STX1B: variants seen among roughly 807,000 people sequenced by gnomAD.
The protein encoded by STX1B is syntaxin-1B.
Under a neutral mutation model 39.4 loss-of-function variants are expected in STX1B, and 7 were observed. That is an observed-to-expected ratio of 0.18 (90% confidence interval 0.10 to 0.33). STX1B has a LOEUF of 0.33. STX1B is among the 10% of genes least tolerant of loss of function. The pLI is 1.00. For synonymous variants in STX1B, 136 were observed against 144.1 expected, an observed-to-expected ratio of 0.94 and a Z score of 0.40; for missense variants, 198 against 383.2, an observed-to-expected ratio of 0.52 and a Z score of 4.04.
chr16:31,006,162 C>T (rs531572377), intron 1 of STX1B, among the ~76,000 whole-genome samples: 2 of 152,112 alleles, frequency 1.3e-5, no homozygotes, highest in African/African-American at 4.8e-5. Context: ...CTGACACACA[C>T]GGGCTTCCCA....
At chr16:31,009,693 C>T (rs776266387) in intron 1 of STX1B, among the ~76,000 whole-genome samples, 3 of 151,706 alleles carry the variant, frequency 2.0e-5, no homozygotes, top group Non-Finnish European at 2.9e-5. Context: ...CTTGACTGCC[C>T]GGGGTGCCCC....
chr16:30,997,704 T>C lies in STX1B; in HGVS notation c.281-129A>G, dbSNP rs7203711. ...GGAGAAACGTCATCCCCAGGGCGAGTTGCGGGCAGCGGTGCCCCAGGGTGG... is the reference window on the plus strand; with the variant it reads ...GGAGAAACGTCATCCCCAGGGCGAGCTGCGGGCAGCGGTGCCCCAGGGTGG... On this transcript the variant is annotated intron_variant, in intron 4 of 9. Coordinates refer to ENST00000215095, the MANE Select transcript of STX1B (RefSeq NM_052874.5). The C allele has an allele frequency of 0.027, 23,398 of 857,500 alleles. 2,817 individuals are homozygous for C. The African/African-American group carries it at 0.31, about 11-fold the overall frequency. 53.1% of individuals were successfully genotyped at this position (857,500 alleles called of 1,614,324 possible).
chr16:31,008,332 G>A (rs910836450), intron 1 of STX1B, among the ~76,000 whole-genome samples: 2 of 142,886 alleles, frequency 1.4e-5, no homozygotes, highest in Non-Finnish European at 3.0e-5. Flanking sequence ...CACCACCTCC[G>A]GCAGCCACAG....
chr16:30,996,752 T>C lies in STX1B; in HGVS notation c.468A>G (p.Gly156=), dbSNP rs2056594433. 1 of 1,613,920 alleles carries C rather than the reference T, an allele frequency of 6.2e-7. No homozygotes were observed. The highest frequency in any genetic ancestry group is 8.5e-7 in the Non-Finnish European group (1 of 1,179,926). ...CCAGTTCTTCGTTGGTGGTGGTCCT[T>C]CCAGCTGCGGGAAGAAAGGACTCCC... is the stretch of plus-strand genomic sequence containing the variant. ...DRIQRQLEIT[G]RTTTNEELED... Residue 156 remains glycine (G), a synonymous_variant, in exon 7 of 10, where the codon GGA becomes GGG. Transcript: ENST00000215095.
chr16:31,010,221 G>A, intron 1 of STX1B, 146 bp downstream of exon 1: 1 of 505,530 alleles, frequency 2.0e-6, no homozygotes, highest in Non-Finnish European at 3.3e-6. Context: ...AGAGACATCA[G>A]GCGCCTGAAG....
chr16:30,992,539 C>T lies in STX1B; in HGVS notation c.*282G>A, dbSNP rs558153632. 2.0e-4 allele frequency: 77 copies of T among 390,386 alleles called. No homozygotes were observed. Among genetic ancestry groups the T allele is most frequent in the Middle Eastern group, 7.0e-4 (1 of 1,432 alleles). 24.2% of individuals were successfully genotyped at this position (390,386 alleles called of 1,614,324 possible). ...GCTCTGGTGCATCACACACATCACA[C>T]GCACACGCACGCTGGGGTGTCCACA... On this transcript the variant is annotated 3_prime_UTR_variant, in exon 10 of 10. Coordinates refer to ENST00000215095, the MANE Select transcript of STX1B (RefSeq NM_052874.5).
chr16:30,997,383 C>G, intron 5 of STX1B, 119 bp downstream of exon 5: 1 of 891,274 alleles, frequency 1.1e-6, no homozygotes, highest in East Asian at 2.7e-5. Flanking sequence ...CCCAGAGCCC[C>G]GCCCCAGCCC....
intron 7 of STX1B, among the ~76,000 whole-genome samples, chr16:30,994,892 CTTTTTTTT>C (rs10524041): frequency 2.0e-5 from 2 of 99,808 alleles, no homozygotes; most frequent in Non-Finnish European, 3.9e-5. Flanking sequence ...GTCTCCCCGT[CTTTTTTTT>C]TTTTTTTTTT....
intron 1 of STX1B, among the ~76,000 whole-genome samples, chr16:31,010,128 C>T (rs1234445881): frequency 1.3e-5 from 2 of 152,110 alleles, no homozygotes; most frequent in Non-Finnish European, 2.9e-5. Context: ...GTGTTCGAGG[C>T]CCCTGAGACC....
rs777701228 is a variant in STX1B, at chr16:30,992,872, C to A, written c.816G>T (p.Val272=). ...ATGACGCCAAGACCACCCCCAGCAC[C>A]ACACAGCAAATGATGATCATGATTT... The part of the protein sequence containing the change: ...RKKIMIIICC[V]VLGVVLASSI... The change falls in exon 10 of 10, where the codon GTG becomes GTT. Residue 272 remains valine, a synonymous_variant. Coordinates refer to ENST00000215095, the MANE Select transcript of STX1B (RefSeq NM_052874.5). 1 of 1,613,992 alleles carries A rather than the reference C, an allele frequency of 6.2e-7. No individual in the cohort carries two copies. The highest frequency in any genetic ancestry group is 8.5e-7 in the Non-Finnish European group (1 of 1,179,968).
At chr16:30,992,965 G>T in intron 9 of STX1B, 64 bp from the exon 10 acceptor site, 1 of 1,426,902 alleles carries the variant, frequency 7.0e-7, no homozygotes, top group Non-Finnish European at 9.9e-7. Flanking sequence ...GACAGATGCA[G>T]GGACAGACAG....
In STX1B at chr16:30,994,892, C is replaced by CTTTTTTTTTTTTTT. The variant is rs10524041; in HGVS notation, c.538-1422_538-1409dup. 6.2e-4 allele frequency among the ~76,000 whole-genome samples: 62 copies of CTTTTTTTTTTTTTT among 99,786 alleles called. 2 individuals are homozygous for CTTTTTTTTTTTTTT. Among genetic ancestry groups the CTTTTTTTTTTTTTT allele is most frequent in the East Asian group, 2.2e-3 (4 of 1,854 alleles). The allele number at this position is 99,786 out of a possible 152,430, so 65.5% of individuals were successfully genotyped here. On this transcript the variant is annotated intron_variant, in intron 7 of 9. Transcript: ENST00000215095. ...TTTGGACAGTGTTCAGTCTCCCCGTCTTTTTTTTTTTTTTTTTTTTGGTTT... is the reference window on the plus strand; with the variant it reads ...TTTGGACAGTGTTCAGTCTCCCCGTCTTTTTTTTTTTTTTTTTTTTTTTTTTTTTTTTTTGGTTT...
At chr16:30,996,504 G>T in intron 7 of STX1B, 179 bp downstream of exon 7, 1 of 609,372 alleles carries the variant, frequency 1.6e-6, no homozygotes. Context: ...GCACACGAAC[G>T]ACTCCGTCAT....
chr16:31,007,024 T>A (rs920452895), intron 1 of STX1B, among the ~76,000 whole-genome samples: 2 of 152,064 alleles, frequency 1.3e-5, no homozygotes, highest in Non-Finnish European at 2.9e-5. Context: ...GGCAGGAGGA[T>A]CCCTGGAGAC....
intron 1 of STX1B, 64 bp downstream of exon 1, chr16:31,010,303 C>CCA: frequency 1.0e-6 from 1 of 987,162 alleles, no homozygotes; most frequent in Non-Finnish European, 1.4e-6. Flanking sequence ...TCCCCCACTC[C>CCA]ATCCCCACGC....
intron 4 of STX1B, 119 bp from the exon 5 acceptor site, chr16:30,997,694 C>T: frequency 1.0e-6 from 1 of 953,408 alleles, no homozygotes; most frequent in South Asian, 1.5e-5. Context: ...AACGTCATCC[C>T]CAGGGCGAGT....
intron 1 of STX1B, among the ~76,000 whole-genome samples, chr16:31,006,387 G>A (rs1310383440): frequency 6.6e-6 from 1 of 152,100 alleles, no homozygotes; most frequent in African/African-American, 2.4e-5. Flanking sequence ...TCTGCTTCAT[G>A]GAGTCATTCA....
Position 31,006,940 on chromosome 16 carries a change from A to G in STX1B, c.30+3427T>C, listed in dbSNP as rs561797574. ...GACCAGTCTGGTCAACATAGACCCCATCTCTACAAAAGCAAAAAGAATTAG... is the reference window on the plus strand; with the variant it reads ...GACCAGTCTGGTCAACATAGACCCCGTCTCTACAAAAGCAAAAAGAATTAG... On this transcript the variant is annotated intron_variant, in intron 1 of 9. Transcript: ENST00000215095. Among the ~76,000 whole-genome samples the G allele has an allele frequency of 7.8e-4, 118 of 152,140 alleles. 1 individual carries two copies. Among genetic ancestry groups the G allele is most frequent in the African/African-American group, 2.8e-3 (116 of 41,498 alleles).
At position 30,992,541 on chromosome 16, in the gene STX1B, C is replaced by T. The variant is rs927463578; in HGVS notation, c.*280G>A. ...TCTGGTGCATCACACACATCACACGCACACGCACGCTGGGGTGTCCACACG... is the reference window on the plus strand; with the variant it reads ...TCTGGTGCATCACACACATCACACGTACACGCACGCTGGGGTGTCCACACG... On this transcript the variant is annotated 3_prime_UTR_variant, in exon 10 of 10. Coordinates refer to ENST00000215095, the MANE Select transcript of STX1B (RefSeq NM_052874.5). 3 of 404,950 alleles carry T rather than the reference C, an allele frequency of 7.4e-6. No homozygotes were observed. The highest frequency in any genetic ancestry group is 6.1e-5 in the African/African-American group (3 of 48,996). The allele number at this position is 404,950 out of a possible 1,614,324, so 25.1% of individuals were successfully genotyped here.
Sources: gnomAD v4.1 joint callset for allele counts (sites outside exome capture counted in the v4.1 genomes callset) on GRCh38, gnomAD v4.1.1 for gene constraint, MANE v1.5 for transcripts, NCBI Gene and HGNC (gene_info 2026-07-23, HGNC 2026-07-21) for gene names.